Variants in NEDD1 observed in about 807,000 individuals in gnomAD.
NEDD1 encodes protein NEDD1.
In NEDD1, 33 loss-of-function variants were observed where a neutral mutation model predicts 74.0. The ratio of observed to expected loss-of-function variants is 0.45; its 90% CI spans 0.34 to 0.60. The LOEUF is 0.60. Among genes scored for constraint, NEDD1 ranks in the 20% least tolerant of loss-of-function variants. The pLI is 0.01. For synonymous variants in NEDD1, 250 were observed against 264.4 expected (o/e 0.95, Z 0.53); for missense variants, 746 against 776.5 (o/e 0.96, Z 0.47).
At chr12:96,927,115 C>G (rs1875795865) in intron 6 of NEDD1, among the ~76,000 whole-genome samples, 1 of 152,086 alleles carries the variant, frequency 6.6e-6, no homozygotes, top group East Asian at 1.9e-4. Flanking sequence ...TTTCTGTGAT[C>G]AATTTTACTT....
intron 11 of NEDD1, among the ~76,000 whole-genome samples, chr12:96,943,056 A>G (rs1311651998): frequency 1.3e-5 from 2 of 152,086 alleles, no homozygotes; most frequent in Non-Finnish European, 2.9e-5. Context: ...TAATCTTGGT[A>G]GTGACATCTC....
intron 4 of NEDD1, 124 bp downstream of exon 4, chr12:96,912,941 C>G: frequency 1.7e-6 from 1 of 572,328 alleles, no homozygotes; most frequent in East Asian, 2.9e-5. Flanking sequence ...AACTTAAGCT[C>G]AAAATAATAT....
At position 96,933,190 on chromosome 12, in the gene NEDD1, G is replaced by A. The variant is rs149282432; in HGVS notation, c.490-1786G>A. ...TGGATAACCATGTTTTAAGGATGTT[G>A]TAGGAAAATTCCTGCTGTTGCTAAG... is the stretch of plus-strand genomic sequence containing the variant. On this transcript the variant is annotated intron_variant, in intron 6 of 15. Coordinates refer to ENST00000266742, the MANE Select transcript of NEDD1 (RefSeq NM_152905.4). 7.8e-3 allele frequency among the ~76,000 whole-genome samples: 1,192 copies of A among 152,184 alleles called. 8 individuals carry two copies. The highest frequency in any genetic ancestry group is 0.01 in the Non-Finnish European group (710 of 67,982).
intron 6 of NEDD1, among the ~76,000 whole-genome samples, chr12:96,933,578 C>T (rs1324813455): frequency 6.6e-6 from 1 of 152,060 alleles, no homozygotes; most frequent in Non-Finnish European, 1.5e-5. Context: ...TCTCTTTGTA[C>T]TTTAGCCATA....
At chr12:96,911,062 T>G (rs1181127484) in intron 3 of NEDD1, among the ~76,000 whole-genome samples, 1 of 152,210 alleles carries the variant, frequency 6.6e-6, no homozygotes, top group Non-Finnish European at 1.5e-5. Context: ...ACAAATTACT[T>G]TGGTACTCTG....
At chr12:96,932,389 T>C (rs1364082371) in intron 6 of NEDD1, among the ~76,000 whole-genome samples, 2 of 133,274 alleles carry the variant, frequency 1.5e-5, no homozygotes, top group Non-Finnish European at 3.1e-5. Context: ...GGTGGAGTGC[T>C]TGAGTCCAGG....
At chr12:96,914,711 C>T (rs1874262654) in intron 4 of NEDD1, among the ~76,000 whole-genome samples, 1 of 152,052 alleles carries the variant, frequency 6.6e-6, no homozygotes, top group African/African-American at 2.4e-5. Flanking sequence ...ACTTTAAGTT[C>T]ATATTTATTT....
At chr12:96,917,467 G>T (rs112980154) in intron 4 of NEDD1, among the ~76,000 whole-genome samples, 154 bp from the exon 5 acceptor site, 3 of 152,266 alleles carry the variant, frequency 2.0e-5, no homozygotes, top group Admixed American at 2.0e-4. Context: ...GAAGAAAGAC[G>T]ATGAGAGAGT....
At chr12:96,915,128 A>G (rs762257710) in intron 4 of NEDD1, among the ~76,000 whole-genome samples, 29 of 152,228 alleles carry the variant, frequency 1.9e-4, no homozygotes, top group Admixed American at 9.2e-4. Flanking sequence ...TACAGCAACT[A>G]TACTGAAACA....
At chr12:96,941,984 CTT>C (rs929747961) in intron 10 of NEDD1, among the ~76,000 whole-genome samples, 2 of 151,986 alleles carry the variant, frequency 1.3e-5, no homozygotes, top group African/African-American at 2.4e-5. Context: ...TCGTTAATGA[CTT>C]TGGCTCATTT....
At chr12:96,924,482 T>A (rs536561943) in intron 6 of NEDD1, among the ~76,000 whole-genome samples, 2 of 152,250 alleles carry the variant, frequency 1.3e-5, no homozygotes, top group East Asian at 3.8e-4. Context: ...TTAATTTTTC[T>A]TAGCAGTGCT....
Position 96,952,145 on chromosome 12 carries a change from G to A in NEDD1, c.*92G>A. 4.3e-6 allele frequency: 3 copies of A among 690,970 alleles called. No individual in the cohort carries two copies. Among genetic ancestry groups the A allele is most frequent in the Non-Finnish European group, 7.6e-6 (3 of 394,892 alleles). The allele number at this position is 690,970 out of a possible 1,614,324, so 42.8% of individuals were successfully genotyped here. A position where few individuals can be genotyped will look rare whatever the true frequency, so the allele number is the denominator to read the frequency against. ...TCAGTATTGTTTTCATGGCCTCCAG[G>A]GAAAAAATGTTTTTCAAGTAAGAGT... is the stretch of plus-strand genomic sequence containing the variant. On this transcript the variant is annotated 3_prime_UTR_variant, in exon 16 of 16. Transcript: ENST00000266742.
At chr12:96,922,324 T>C (rs927873891) in intron 6 of NEDD1, among the ~76,000 whole-genome samples, 2 of 152,200 alleles carry the variant, frequency 1.3e-5, no homozygotes, top group Non-Finnish European at 2.9e-5. Context: ...ACATAAAGTC[T>C]AAGCCTATAA....
At chr12:96,929,623 A>ATTT (rs1555202701) in intron 6 of NEDD1, among the ~76,000 whole-genome samples, 184 of 126,184 alleles carry the variant, frequency 1.5e-3, no homozygotes, top group African/African-American at 5.1e-3. Context: ...ATATATATAT[A>ATTT]TTTTTTTTTT....
At chr12:96,907,491 C>T (rs1873444827) in intron 1 of NEDD1, 113 bp from the exon 2 acceptor site, 4 of 877,902 alleles carry the variant, frequency 4.6e-6, no homozygotes, top group Admixed American at 4.1e-5. Context: ...AGGCGCGGGC[C>T]GGGGTCGCGC....
chr12:96,920,070 TAC>T lies in NEDD1; in HGVS notation c.438_439del (p.His146GlnfsTer5). ...GGATCTCTTAGTGGTGAAATTATTT[TAC>T]ACAGTGTAACCACTAATTTATCTAG... On this transcript the variant is annotated frameshift_variant, in exon 6 of 16. Coordinates refer to ENST00000266742, the MANE Select transcript of NEDD1 (RefSeq NM_152905.4). LOFTEE classifies it high-confidence loss of function. 6.2e-7 allele frequency: 1 copy of T among 1,605,246 alleles called. No individual in the cohort carries two copies. The highest frequency in any genetic ancestry group is 8.5e-7 in the Non-Finnish European group (1 of 1,172,376).
chr12:96,951,472 A>G lies in NEDD1; in HGVS notation c.1852A>G (p.Met618Val). The G allele has an allele frequency of 3.2e-6, 5 of 1,568,552 alleles. No homozygotes were observed. Among genetic ancestry groups the G allele is most frequent in the Non-Finnish European group, 1.8e-6 (2 of 1,142,730 alleles). The part of the protein sequence containing the change: ...HRDIVNLQVE[M>V]IKQFHMQLNE... ...GGACATTGTGAATTTGCAAGTGGAG[A>G]TGATTAAACAGTTTCATATGCAACT... Residue 618 changes from methionine (M) to valine (V), a missense_variant, in exon 15 of 16, where the codon ATG becomes GTG. Transcript: ENST00000266742.
At chr12:96,924,741 T>A (rs1027132779) in intron 6 of NEDD1, 29 of 403,436 alleles carry the variant, frequency 7.2e-5, no homozygotes, top group African/African-American at 5.9e-4. Flanking sequence ...GTTTATAGAC[T>A]ATCATGGCTG....
chr12:96,930,203 A>T (rs1234637136), intron 6 of NEDD1, among the ~76,000 whole-genome samples: 3,074 of 66,570 alleles, frequency 0.046, 45 homozygotes, highest in African/African-American at 0.092. Context: ...ACACACACAC[A>T]CACACACACT....
Sources: allele counts gnomAD v4.1 joint callset (sites outside exome capture counted in the v4.1 genomes callset), GRCh38; gene constraint gnomAD v4.1.1; transcripts MANE v1.5; gene names NCBI Gene and HGNC (gene_info 2026-07-23, HGNC 2026-07-21).